SH2B2: variants seen among roughly 807,000 people sequenced by gnomAD.
SH2B2 encodes SH2B adapter protein 2.
Under a neutral mutation model 35.7 loss-of-function variants are expected in SH2B2, and 37 were observed. The ratio of observed to expected loss-of-function variants is 1.04; its 90% CI spans 0.80 to 1.36. The LOEUF (loss-of-function observed/expected upper bound fraction) is 1.36, where lower values mean the gene tolerates loss of function less well. SH2B2 is among the 40% of genes most tolerant of loss of function. SH2B2 has a pLI of 0.00. For missense variants in SH2B2, 852 were observed against 817.7 expected, an observed-to-expected ratio of 1.04 and a Z score of -0.51; for synonymous variants, 383 against 376.4, an observed-to-expected ratio of 1.02 and a Z score of -0.20.
upstream of SH2B2, among the ~76,000 whole-genome samples, chr7:102,286,664 G>C (rs1792456053): frequency 6.6e-6 from 1 of 151,400 alleles, no homozygotes. Flanking sequence ...GGGCAGTCTC[G>C]GCACCGCAGC....
Position 102,317,343 on chromosome 7 carries a change from A to G in SH2B2, c.1343A>G (p.Glu448Gly), listed in dbSNP as rs1554557266. Reference protein sequence around the residue: ...NHGLFVIRQSETRPGEYVLTF... With the variant: ...NHGLFVIRQSGTRPGEYVLTF... ...GGCCTCTTCGTGATCCGCCAAAGTG[A>G]GACTCGGCCTGGGGAGTACGTGCTG... The change falls in exon 7 of 9, where the codon GAG becomes GGG. Residue 448 changes from glutamate (E) to glycine (G), a missense_variant. Transcript: ENST00000444095. 1 of 1,610,628 alleles carries G rather than the reference A, an allele frequency of 6.2e-7. No homozygotes were observed. The highest frequency in any genetic ancestry group is 8.5e-7 in the Non-Finnish European group (1 of 1,177,334).
Position 102,321,705 on chromosome 7 carries a change from G to C in SH2B2, c.*75G>C. On this transcript the variant is annotated 3_prime_UTR_variant, in exon 9 of 9. Coordinates refer to ENST00000444095, the MANE Select transcript of SH2B2 (RefSeq NM_001359228.2). Reference sequence around the variant, plus strand: ...GATGTTATTAAAAGCCTGTTTTAGGGACTGCACCCGGCTCTCCTGTCGTCC... The same window carrying C: ...GATGTTATTAAAAGCCTGTTTTAGGCACTGCACCCGGCTCTCCTGTCGTCC... 9.6e-7 allele frequency: 1 copy of C among 1,041,040 alleles called. No individual in the cohort carries two copies. Among genetic ancestry groups the C allele is most frequent in the Non-Finnish European group, 1.2e-6 (1 of 865,480 alleles). 64.5% of individuals were successfully genotyped at this position (1,041,040 alleles called of 1,614,324 possible). A position where few individuals can be genotyped will look rare whatever the true frequency, so the allele number is the denominator to read the frequency against.
intron 2 of SH2B2, among the ~76,000 whole-genome samples, chr7:102,305,889 T>C (rs1488917973): frequency 1.5e-4 from 22 of 149,074 alleles, no homozygotes; most frequent in African/African-American, 5.5e-4. Flanking sequence ...CCTTTTTTTT[T>C]TTTCTTTTTT....
At position 102,317,215 on chromosome 7, in the gene SH2B2, G is replaced by A. The variant is rs1793871205; in HGVS notation, c.1215G>A (p.Glu405=). ...TGEQGAETDP[E]AEPELELSDY... Reference sequence around the variant, plus strand: ...AACAGGGTGCAGAGACGGATCCCGAGGCTGAACCCGAGCTGGAGCTATCCG... The same window carrying A: ...AACAGGGTGCAGAGACGGATCCCGAAGCTGAACCCGAGCTGGAGCTATCCG... Residue 405 remains glutamate (E), a synonymous_variant, in exon 7 of 9, where the codon GAG becomes GAA. Coordinates refer to ENST00000444095, the MANE Select transcript of SH2B2 (RefSeq NM_001359228.2). 6.2e-7 allele frequency: 1 copy of A among 1,609,156 alleles called. No individual in the cohort carries two copies. Among genetic ancestry groups the A allele is most frequent in the Non-Finnish European group, 8.5e-7 (1 of 1,177,808 alleles).
intron 4 of SH2B2, chr7:102,309,774 G>A (rs1239557206): frequency 1.3e-5 from 2 of 154,116 alleles, no homozygotes; most frequent in Admixed American, 1.3e-4. Context: ...CTAACCCAAG[G>A]CTTAAATAAA....
At chr7:102,303,031 C>G (rs1354813021) in intron 2 of SH2B2, among the ~76,000 whole-genome samples, 1 of 151,782 alleles carries the variant, frequency 6.6e-6, no homozygotes, top group Non-Finnish European at 1.5e-5. Context: ...GTCAGGGGTT[C>G]GTGACCAGCC....
chr7:102,299,865 G>C (rs955613604), intron 1 of SH2B2, among the ~76,000 whole-genome samples: 1 of 152,164 alleles, frequency 6.6e-6, no homozygotes, highest in Non-Finnish European at 1.5e-5. Flanking sequence ...TACTATTTGG[G>C]GAGAGAATGA....
intron 1 of SH2B2, among the ~76,000 whole-genome samples, chr7:102,300,090 G>C (rs1262928896): frequency 6.6e-6 from 1 of 152,190 alleles, no homozygotes; most frequent in African/African-American, 2.4e-5. Context: ...GCTAATTTTT[G>C]TATTTTTACT....
At position 102,300,528 on chromosome 7, in the gene SH2B2, G is replaced by A. The variant is rs946625611; in HGVS notation, c.-23G>A. ...GCGCTCTTCTCGCCCGAAGCCGCAG[G>A]TGGCTGCGATGGGACGGAAGCCATG... On this transcript the variant is annotated 5_prime_UTR_variant, in exon 2 of 9. It adds an upstream start codon to the 5' untranslated region. Coordinates refer to ENST00000444095, the MANE Select transcript of SH2B2 (RefSeq NM_001359228.2). 2.6e-6 allele frequency: 4 copies of A among 1,534,728 alleles called. No homozygotes were observed. Among genetic ancestry groups the A allele is most frequent in the Non-Finnish European group, 3.5e-6 (4 of 1,142,946 alleles).
chr7:102,300,070 A>C (rs530154383), intron 1 of SH2B2, among the ~76,000 whole-genome samples: 88 of 152,242 alleles, frequency 5.8e-4, no homozygotes, highest in African/African-American at 2.1e-3. Context: ...GGCGTGTGCC[A>C]CCACTCCTGG....
In SH2B2 at chr7:102,320,299, C is replaced by T. The variant is rs1794002987; in HGVS notation, c.1396-32C>T. 8 of 1,579,686 alleles carry T rather than the reference C, an allele frequency of 5.1e-6. No individual in the cohort carries two copies. In the East Asian group the frequency reaches 1.8e-4, roughly 35 times the overall value. On this transcript the variant is annotated intron_variant, in intron 7 of 8. Transcript: ENST00000444095. ...CTTACCCAGGTGCCCAGCCCCGGAC[C>T]TGCCCCTGACCACACCCACCTGTAC...
intron 2 of SH2B2, 92 bp downstream of exon 2, chr7:102,301,371 G>A (rs1469697538): frequency 2.8e-6 from 4 of 1,416,678 alleles, no homozygotes; most frequent in Non-Finnish European, 3.7e-6. Flanking sequence ...TTTGGGGACC[G>A]CGTGGTCTAA....
Position 102,297,444 on chromosome 7 carries a change from G to GTTCAGTA in SH2B2, c.-29-3075_-29-3069dup, listed in dbSNP as rs1271695508. Among the ~76,000 whole-genome samples the GTTCAGTA allele has an allele frequency of 6.6e-6, 1 of 150,618 alleles. No individual in the cohort carries two copies. Among genetic ancestry groups the GTTCAGTA allele is most frequent in the Non-Finnish European group, 1.5e-5 (1 of 67,858 alleles). On this transcript the variant is annotated intron_variant, in intron 1 of 8. Transcript: ENST00000444095. This position sits in a 1 kb window ranked among gnomAD's most constrained non-coding sequence, Gnocchi z 4.3. ...ACACACACACACGCAGTATACAGAGGTTCAGTATTAGCCAGTTTCAAGCAT... is the reference window on the plus strand; with the variant it reads ...ACACACACACACGCAGTATACAGAGGTTCAGTATTCAGTATTAGCCAGTTTCAAGCAT...
chr7:102,307,569 G>C (rs1216968183), intron 3 of SH2B2, among the ~76,000 whole-genome samples: 1 of 152,030 alleles, frequency 6.6e-6, no homozygotes, highest in Non-Finnish European at 1.5e-5. Context: ...CCCGGACCCT[G>C]AGTCATCCCA....
intron 4 of SH2B2, among the ~76,000 whole-genome samples, chr7:102,311,473 T>G (rs1187724302): frequency 6.6e-6 from 1 of 151,712 alleles, no homozygotes; most frequent in Non-Finnish European, 1.5e-5. Context: ...CAGGCTCGTC[T>G]CGAACTCTTG....
At chr7:102,293,578 C>T (rs75329287) in intron 1 of SH2B2, among the ~76,000 whole-genome samples, 5,000 of 151,900 alleles carry the variant, frequency 0.033, 295 homozygotes, top group African/African-American at 0.12. Context: ...GTCTACCCGC[C>T]CAGTGCTCCG....
intron 2 of SH2B2, among the ~76,000 whole-genome samples, chr7:102,305,361 G>A (rs1793353266): frequency 6.6e-6 from 1 of 152,136 alleles, no homozygotes; most frequent in African/African-American, 2.4e-5. Context: ...CACCTCCCGG[G>A]TTCAAGTGAT....
At chr7:102,299,022 G>A (rs1272805547) in intron 1 of SH2B2, among the ~76,000 whole-genome samples, 7 of 139,764 alleles carry the variant, frequency 5.0e-5, no homozygotes, top group African/African-American at 1.9e-4. Context: ...CGAGGTTCAC[G>A]CCATTCTCCT....
chr7:102,285,263 G>C, upstream of SH2B2: 1 of 1,548,230 alleles, frequency 6.5e-7, no homozygotes, highest in Non-Finnish European at 8.7e-7. Context: ...AACCAGGTTA[G>C]TCCACCGCGG....
Sources: gnomAD v4.1 joint callset for allele counts (sites outside exome capture counted in the v4.1 genomes callset) on GRCh38, gnomAD v4.1.1 for gene constraint, Gnocchi (gnomAD v3.1) non-coding constraint, MANE v1.5 for transcripts, NCBI Gene and HGNC (gene_info 2026-07-23, HGNC 2026-07-21) for gene names.